Variants in DLGAP1 observed in about 807,000 individuals in gnomAD.
DLGAP1 encodes disks large-associated protein 1.
A neutral mutation model predicts 90.8 loss-of-function variants in DLGAP1; 11 were observed. That is an observed-to-expected ratio of 0.12 (90% CI 0.08 to 0.20). DLGAP1 has a LOEUF of 0.20. Among genes scored for constraint, DLGAP1 ranks in the 10% least tolerant of loss-of-function variants. DLGAP1 has a pLI of 1.00. For synonymous variants in DLGAP1, 558 were observed against 540.7 expected, an observed-to-expected ratio of 1.03 and a Z score of -0.44; for missense variants, 1,050 against 1,333.8, an observed-to-expected ratio of 0.79 and a Z score of 3.31.
At chr18:3,542,947 TC>T (rs2052774426) in intron 9 of DLGAP1, among the ~76,000 whole-genome samples, 2 of 152,170 alleles carry the variant, frequency 1.3e-5, no homozygotes, top group African/African-American at 4.8e-5. Context: ...AAAGGCAAAA[TC>T]CAGGACATAG....
intron 5 of DLGAP1, among the ~76,000 whole-genome samples, chr18:3,748,888 T>C (rs1223064047): frequency 6.6e-6 from 1 of 152,226 alleles, no homozygotes; most frequent in Non-Finnish European, 1.5e-5. Flanking sequence ...ATAATCCGTA[T>C]AGAAATGTAA....
At chr18:3,691,247 A>C (rs1480280827) in intron 7 of DLGAP1, among the ~76,000 whole-genome samples, 1 of 152,072 alleles carries the variant, frequency 6.6e-6, no homozygotes, top group Admixed American at 6.6e-5. Flanking sequence ...TCAGGAGTTT[A>C]AGACCAGCCT....
At chr18:4,148,246 A>G (rs953007493) in intron 2 of DLGAP1, among the ~76,000 whole-genome samples, 1 of 152,226 alleles carries the variant, frequency 6.6e-6, no homozygotes, top group Non-Finnish European at 1.5e-5. Context: ...GGAAGGCTTG[A>G]AAAAAATCAC....
chr18:3,583,767 G>A (rs1246930157), intron 7 of DLGAP1, among the ~76,000 whole-genome samples: 1 of 152,160 alleles, frequency 6.6e-6, no homozygotes, highest in Non-Finnish European at 1.5e-5. Context: ...GGTCAACATG[G>A]TGAAACCTCA....
intron 1 of DLGAP1, among the ~76,000 whole-genome samples, chr18:4,244,587 A>C (rs140211451): frequency 1.7e-3 from 262 of 152,284 alleles, no homozygotes; most frequent in African/African-American, 6.1e-3. Flanking sequence ...AAATAAAATA[A>C]ATACTGCTGG....
chr18:3,699,807 T>C (rs781756930), intron 7 of DLGAP1, among the ~76,000 whole-genome samples: 40 of 152,204 alleles, frequency 2.6e-4, no homozygotes, highest in Non-Finnish European at 1.0e-4. Flanking sequence ...TGACTGGGGC[T>C]GCTGCGTTTC....
intron 3 of DLGAP1, among the ~76,000 whole-genome samples, chr18:3,916,144 T>G (rs1018248578): frequency 4.6e-5 from 7 of 152,196 alleles, no homozygotes; most frequent in African/African-American, 1.7e-4. Flanking sequence ...CACCACAGAC[T>G]ATATTCAACT....
At chr18:4,314,478 C>G (rs2080477449) in intron 1 of DLGAP1, among the ~76,000 whole-genome samples, 1 of 152,158 alleles carries the variant, frequency 6.6e-6, no homozygotes, top group Admixed American at 6.5e-5. Context: ...GTAAACTTGC[C>G]TGGCTTTGCA....
intron 5 of DLGAP1, among the ~76,000 whole-genome samples, chr18:3,801,387 C>T (rs2066283222): frequency 6.6e-6 from 1 of 152,212 alleles, no homozygotes; most frequent in Non-Finnish European, 1.5e-5. Context: ...ACCATTCTTT[C>T]CCTGCAGCAG....
intron 10 of DLGAP1, among the ~76,000 whole-genome samples, chr18:3,515,016 TACAGGCATGAGTC>T (rs1482127837): frequency 6.6e-6 from 1 of 152,182 alleles, no homozygotes; most frequent in African/African-American, 2.4e-5. Flanking sequence ...CTGCTGACAT[TACAGGCATGAGTC>T]ACTGCCCCGG....
chr18:3,659,150 C>A (rs1369424948), intron 7 of DLGAP1, among the ~76,000 whole-genome samples: 1 of 152,006 alleles, frequency 6.6e-6, no homozygotes, highest in East Asian at 1.9e-4. Flanking sequence ...TTAGAATTAG[C>A]TATATCTAGT....
intron 1 of DLGAP1, among the ~76,000 whole-genome samples, chr18:4,429,904 A>C (rs899476414): frequency 2.6e-5 from 4 of 152,254 alleles, no homozygotes; most frequent in African/African-American, 9.6e-5. Flanking sequence ...ATCAGTATGC[A>C]TAGATCTTCA....
intron 9 of DLGAP1, among the ~76,000 whole-genome samples, chr18:3,558,159 A>C (rs2053866466): frequency 6.6e-6 from 1 of 152,150 alleles, no homozygotes; most frequent in African/African-American, 2.4e-5. Context: ...GAATTGTTGA[A>C]GTCTCCAATT....
chr18:4,269,585 AC>A lies in DLGAP1; in HGVS notation c.-266-118299del, dbSNP rs1373582608. 4.6e-5 allele frequency among the ~76,000 whole-genome samples: 7 copies of A among 152,044 alleles called. No homozygotes were observed. In the East Asian group the frequency reaches 1.2e-3, roughly 25 times the overall value. On this transcript the variant is annotated intron_variant, in intron 1 of 12. Transcript: ENST00000315677. ...TAGCCAGGATGGTCTCGATCTCCTG[AC>A]CTTGTGATCCACCCGCCTTGGCCTC...
intron 3 of DLGAP1, among the ~76,000 whole-genome samples, chr18:3,901,767 A>G (rs556916850): frequency 6.6e-6 from 1 of 152,294 alleles, no homozygotes; most frequent in East Asian, 1.9e-4. Context: ...AGTTCTGAGC[A>G]ATGAGAGGGA....
intron 1 of DLGAP1, among the ~76,000 whole-genome samples, chr18:4,286,834 C>G (rs993611715): frequency 6.6e-6 from 1 of 152,010 alleles, no homozygotes; most frequent in Admixed American, 6.6e-5. Context: ...GATAAATAGA[C>G]AAGAATATGA....
At chr18:3,677,074 C>T (rs374944187) in intron 7 of DLGAP1, among the ~76,000 whole-genome samples, 6 of 152,092 alleles carry the variant, frequency 3.9e-5, no homozygotes, top group Admixed American at 2.0e-4. Context: ...GACTTCAGCC[C>T]GTTTCATTGG....
chr18:3,835,956 G>A (rs2068355625), intron 4 of DLGAP1, among the ~76,000 whole-genome samples: 3 of 152,112 alleles, frequency 2.0e-5, no homozygotes, highest in African/African-American at 4.8e-5. Flanking sequence ...ATATAAAGTT[G>A]ATGTTGACTA....
chr18:4,204,531 T>TG (rs1568449434), intron 1 of DLGAP1, among the ~76,000 whole-genome samples: 2 of 150,946 alleles, frequency 1.3e-5, no homozygotes, highest in Non-Finnish European at 2.9e-5. Context: ...TTTTGTTTTT[T>TG]TTTCTGACCG....
Sources: gnomAD v4.1 joint callset for allele counts (sites outside exome capture counted in the v4.1 genomes callset) on GRCh38, gnomAD v4.1.1 for gene constraint, MANE v1.5 for transcripts, NCBI Gene and HGNC (gene_info 2026-07-23, HGNC 2026-07-21) for gene names.